The following EIF2AK4 variants were observed in gnomAD, a reference collection of about 807,000 sequenced individuals.
EIF2AK4 encodes eukaryotic translation initiation factor 2 alpha kinase 4, also known as eIF-2-alpha kinase GCN2.
A neutral mutation model predicts 211.1 loss-of-function variants in EIF2AK4; 139 were observed. That is an observed-to-expected ratio of 0.66 (90% CI 0.57 to 0.76). EIF2AK4 has a LOEUF of 0.76. EIF2AK4 is among the 30% of genes least tolerant of loss of function. The pLI is 0.00. For missense variants in EIF2AK4, 1,664 were observed against 2,043.8 expected (o/e 0.81, Z 3.58); for synonymous variants, 710 against 751.3 (o/e 0.94, Z 0.90).
intron 12 of EIF2AK4, 86 bp downstream of exon 12, chr15:39,976,930 T>A (rs1372734611): frequency 7.3e-7 from 1 of 1,364,538 alleles, no homozygotes; most frequent in Non-Finnish European, 9.6e-7. Flanking sequence ...TTTCATTTCC[T>A]TCCTTCCTTC....
At chr15:39,958,841 T>C (rs2034427899) in intron 6 of EIF2AK4, among the ~76,000 whole-genome samples, 1 of 152,184 alleles carries the variant, frequency 6.6e-6, no homozygotes, top group Non-Finnish European at 1.5e-5. Context: ...ATCTTTTGGA[T>C]GGTAGCCCAA....
At position 40,020,929 on chromosome 15, in the gene EIF2AK4, G is replaced by T. The variant is rs760829375; in HGVS notation, c.4204G>T (p.Val1402Leu). 1.2e-5 allele frequency: 20 copies of T among 1,612,262 alleles called. No homozygotes were observed. The highest frequency in any genetic ancestry group is 8.5e-7 in the Non-Finnish European group (1 of 1,179,190). ...VTISSCDLLV[V>L]SVGQMSMSRA... ...AATAAGCTCTTGTGACCTCCTGGTT[G>T]TAAGTGTTGGCCAGATGTCTATGTC... Residue 1402 changes from valine (V) to leucine (L), a missense_variant, in exon 31 of 39, where the codon GTA (valine) becomes TTA (leucine). Transcript: ENST00000263791.
At chr15:39,964,386 G>A (rs1398047954) in intron 7 of EIF2AK4, among the ~76,000 whole-genome samples, 3 of 152,134 alleles carry the variant, frequency 2.0e-5, no homozygotes, top group East Asian at 1.9e-4. Flanking sequence ...ATATATCGGG[G>A]TTATCAGCTG....
At chr15:39,937,215 A>G (rs1038721270) in intron 1 of EIF2AK4, among the ~76,000 whole-genome samples, 10 of 152,206 alleles carry the variant, frequency 6.6e-5, no homozygotes, top group African/African-American at 2.2e-4. Flanking sequence ...ACTTGCTTCA[A>G]TCCCTGGATC....
chr15:39,965,552 A>G (rs1225271821), intron 7 of EIF2AK4, 134 bp from the exon 8 acceptor site: 6 of 1,001,328 alleles, frequency 6.0e-6, no homozygotes, highest in Non-Finnish European at 8.8e-6. Flanking sequence ...ACATTATTAC[A>G]TAAAGTCCTA....
intron 24 of EIF2AK4, 91 bp from the exon 25 acceptor site, chr15:40,007,936 A>G (rs1266771253): frequency 3.8e-6 from 4 of 1,044,190 alleles, no homozygotes; most frequent in South Asian, 4.4e-5. Flanking sequence ...ATTTTTTTTC[A>G]TATTTGTTTC....
chr15:39,979,588 T>C (rs533854631), intron 13 of EIF2AK4, among the ~76,000 whole-genome samples: 2 of 152,340 alleles, frequency 1.3e-5, no homozygotes, highest in Non-Finnish European at 2.9e-5. Flanking sequence ...ACATGTAAAA[T>C]GTACTGACAA....
chr15:39,973,591 G>T lies in EIF2AK4; in HGVS notation c.1661-1G>T, dbSNP rs202165184. The stretch of plus-strand genomic sequence containing the variant: ...GCCTCTTACTCCCTGTTTTATCTCA[G>T]ATTCTGAAGGACAAGATTATGTTGA... On this transcript the variant is annotated splice_acceptor_variant, in intron 10 of 38. Coordinates refer to ENST00000263791, the MANE Select transcript of EIF2AK4 (RefSeq NM_001013703.4). LOFTEE classifies it high-confidence loss of function. The T allele has an allele frequency of 6.2e-7, 1 of 1,608,976 alleles. No homozygotes were observed. The highest frequency in any genetic ancestry group is 8.5e-7 in the Non-Finnish European group (1 of 1,177,352).
chr15:39,950,248 A>C lies in EIF2AK4; in HGVS notation c.513+980A>C, dbSNP rs556731430. ...AACAGCAAACGTGCAAGAAGTGCAC[A>C]GAAGACAGATAACATTAAAAACATG... On this transcript the variant is annotated intron_variant, in intron 4 of 38. Transcript: ENST00000263791. 2.6e-5 allele frequency among the ~76,000 whole-genome samples: 4 copies of C among 152,358 alleles called. No homozygotes were observed. The South Asian group carries it at 8.3e-4, about 32-fold the overall frequency.
At chr15:39,968,860 G>A (rs2034580773) in intron 9 of EIF2AK4, among the ~76,000 whole-genome samples, 1 of 139,116 alleles carries the variant, frequency 7.2e-6, no homozygotes, top group Non-Finnish European at 1.6e-5. Context: ...TTGTTTTTGT[G>A]TAAAGTGAAT....
rs146462082 is a variant in EIF2AK4 at position 39,964,033 on chromosome 15, T to C, written c.860-1653T>C. Among the ~76,000 whole-genome samples the C allele has an allele frequency of 6.5e-3, 996 of 152,330 alleles. 26 individuals carry two copies. The highest frequency in any genetic ancestry group is 0.044 in the Admixed American group (680 of 15,282). On this transcript the variant is annotated intron_variant, in intron 7 of 38. Coordinates refer to ENST00000263791, the MANE Select transcript of EIF2AK4 (RefSeq NM_001013703.4). ...ACATTTCTCAGGTTGCTTCGTTTGG[T>C]TGACAAATTTTTAAACAGCAGGATT...
intron 6 of EIF2AK4, among the ~76,000 whole-genome samples, chr15:39,960,432 A>G (rs963332312): frequency 6.6e-6 from 1 of 152,158 alleles, no homozygotes; most frequent in Non-Finnish European, 1.5e-5. Flanking sequence ...GGAGACTCAC[A>G]GGTTTCTCAC....
In EIF2AK4 at chr15:40,003,126, A is replaced by C. The variant is rs2035114717; in HGVS notation, c.3236-67A>C. ...ATTACTTAACTGTCAGGTTTGTGTT[A>C]ATTTTAGGTTGCCTTCTAAGGAGAA... On this transcript the variant is annotated intron_variant, in intron 22 of 38. Coordinates refer to ENST00000263791, the MANE Select transcript of EIF2AK4 (RefSeq NM_001013703.4). 6.9e-6 allele frequency: 11 copies of C among 1,583,800 alleles called. No individual in the cohort carries two copies. In the South Asian group the frequency reaches 1.3e-4, roughly 18 times the overall value.
chr15:39,967,541 C>G lies in EIF2AK4; in HGVS notation c.1215C>G (p.Tyr405Ter). The change falls in exon 9 of 39, where the codon TAC becomes TAG. Residue 405 changes from tyrosine to a stop codon, truncating the protein, a stop_gained. Transcript: ENST00000263791. LOFTEE classifies it high-confidence loss of function. Reference protein sequence around the residue: ...GPIPVHQLRRYTAQLLSGLDY... With the variant: ...GPIPVHQLRR The stretch of plus-strand genomic sequence containing the variant: ...TCCCTGTGCATCAGCTTCGCAGGTA[C>G]ACAGCTCAGCTCCTGTCAGGCCTTG... The G allele has an allele frequency of 1.2e-6, 2 of 1,614,012 alleles. No individual in the cohort carries two copies. Among genetic ancestry groups the G allele is most frequent in the Non-Finnish European group, 1.7e-6 (2 of 1,179,952 alleles).
At position 39,934,147 on chromosome 15, in the gene EIF2AK4, GC is replaced by G; in HGVS notation, c.-46del. ...AGCCCCGCCCCGCAGGCTGCCGGGGGCCCACCGCCGCCCAGGCAAGGCCGCC... is the reference window on the plus strand; with the variant it reads ...AGCCCCGCCCCGCAGGCTGCCGGGGGCCACCGCCGCCCAGGCAAGGCCGCC... On this transcript the variant is annotated 5_prime_UTR_variant, in exon 1 of 39. Transcript: ENST00000263791. 5.5e-6 allele frequency: 7 copies of G among 1,262,560 alleles called. No individual in the cohort carries two copies. The highest frequency in any genetic ancestry group is 6.9e-6 in the Non-Finnish European group (7 of 1,009,488). The allele number at this position is 1,262,560 out of a possible 1,614,324, so 78.2% of individuals were successfully genotyped here. A position where few individuals can be genotyped will look rare whatever the true frequency, so the allele number is the denominator to read the frequency against.
intron 15 of EIF2AK4, 144 bp from the exon 16 acceptor site, chr15:39,990,129 A>C: frequency 1.4e-6 from 1 of 699,774 alleles, no homozygotes; most frequent in Non-Finnish European, 2.5e-6. Context: ...GACATATTGC[A>C]GAGGCCAGAC....
chr15:39,990,228 T>A (rs1400656039), intron 15 of EIF2AK4, 45 bp from the exon 16 acceptor site: 1 of 1,582,656 alleles, frequency 6.3e-7, no homozygotes, highest in Admixed American at 1.7e-5. Context: ...GGTATAACTT[T>A]ATGCATGGAA....
chr15:40,031,741 T>C (rs963953649), intron 35 of EIF2AK4, among the ~76,000 whole-genome samples: 2 of 152,098 alleles, frequency 1.3e-5, no homozygotes, highest in Admixed American at 1.3e-4. Flanking sequence ...CTTTTTTTTT[T>C]TTGAGACAGA....
chr15:40,022,391 C>T (rs2035403529), intron 31 of EIF2AK4, 128 bp from the exon 32 acceptor site: 1 of 780,162 alleles, frequency 1.3e-6, no homozygotes, highest in African/African-American at 1.8e-5. Flanking sequence ...TTATATCCCC[C>T]TGAAGTCAGC....
Sources: gnomAD v4.1 joint callset for allele counts (sites outside exome capture counted in the v4.1 genomes callset) on GRCh38, gnomAD v4.1.1 for gene constraint, MANE v1.5 for transcripts, NCBI Gene and HGNC (gene_info 2026-07-23, HGNC 2026-07-21) for gene names.